The following NEB variants were observed in gnomAD, a reference collection of about 807,000 sequenced individuals.
NEB encodes the protein nemaline myopathy type 2.
In NEB, 512 loss-of-function variants were observed where a neutral mutation model predicts 952.2. The ratio of observed to expected loss-of-function variants is 0.54; its 90% CI spans 0.50 to 0.58. The LOEUF (loss-of-function observed/expected upper bound fraction) is 0.58. Among genes scored for constraint, NEB ranks in the 20% least tolerant of loss-of-function variants. NEB has a pLI of 0.00. For missense variants in NEB, 8,428 were observed against 9,231.1 expected, an observed-to-expected ratio of 0.91 and a Z score of 3.56; for synonymous variants, 2,900 against 3,149.8, an observed-to-expected ratio of 0.92 and a Z score of 2.66.
At chr2:151,683,379 G>A (rs929172526) in intron 28 of NEB, among the ~76,000 whole-genome samples, 2 of 152,144 alleles carry the variant, frequency 1.3e-5, no homozygotes, top group African/African-American at 2.4e-5. Flanking sequence ...GTTACTTGAC[G>A]CTATTAAAAT....
chr2:151,642,653 G>T lies in NEB; in HGVS notation c.8294C>A (p.Ala2765Asp). ...EKLYKLGLEE[A>D]KRKGYDMRVD... ...CCGCATGTCATAACCTTTCCTCTTGGCTTCTTCTAGGCCAAGCTTATACAA... is the reference window on the plus strand; with the variant it reads ...CCGCATGTCATAACCTTTCCTCTTGTCTTCTTCTAGGCCAAGCTTATACAA... Residue 2765 changes from alanine to aspartate, a missense_variant, in exon 60 of 182, where the codon GCC becomes GAC. By Grantham distance (126) the Ala-to-Asp change is moderately radical (BLOSUM62 -2). Around this residue, in one of 11 missense-constraint regions of NEB, gnomAD observed 1,772 missense variants for 1,960.3 expected, o/e 0.90. Coordinates refer to ENST00000397345, the MANE Select transcript of NEB (RefSeq NM_001164508.2). 6.2e-7 allele frequency: 1 copy of T among 1,613,890 alleles called. No homozygotes were observed. The highest frequency in any genetic ancestry group is 8.5e-7 in the Non-Finnish European group (1 of 1,179,846).
chr2:151,497,041 A>C lies in NEB; in HGVS notation c.24301-8T>G. 1 of 1,561,446 alleles carries C rather than the reference A, an allele frequency of 6.4e-7. No homozygotes were observed. The highest frequency in any genetic ancestry group is 8.7e-7 in the Non-Finnish European group (1 of 1,151,118). On this transcript the variant is annotated splice_region_variant and splice_polypyrimidine_tract_variant and intron_variant, in intron 171 of 181. Transcript: ENST00000397345. ...GTTTTCTTTGTATAACACCTGTGCG[A>C]TAAGAAAGCAACCAGAAAAACAACC...
At chr2:151,545,689 G>T (rs1303187778) in intron 135 of NEB, among the ~76,000 whole-genome samples, 199 bp downstream of exon 135, 1 of 152,148 alleles carries the variant, frequency 6.6e-6, no homozygotes, top group African/African-American at 2.4e-5. Context: ...CCAAAAGGGG[G>T]CAAAATAAGT....
chr2:151,562,765 T>C lies in NEB; in HGVS notation c.18737A>G (p.His6246Arg), dbSNP rs760552939. 51 of 1,593,774 alleles carry C rather than the reference T, an allele frequency of 3.2e-5. No homozygotes were observed. Among genetic ancestry groups the C allele is most frequent in the Non-Finnish European group, 4.0e-5 (47 of 1,169,090 alleles). ...KHYEDTKANVHIPNDMMNHVL... is the reference protein window; with the variant it reads ...KHYEDTKANVRIPNDMMNHVL... ...GTGATTCATCATGTCATTGGGGATA[T>C]GAACATTTGCTTTGGTATCCTCATA... Residue 6246 changes from histidine to arginine, a missense_variant, in exon 120 of 182, where the codon CAT becomes CGT. Transcript: ENST00000397345.
At chr2:151,668,972 G>C in intron 39 of NEB, 55 bp downstream of exon 39, 2 of 1,313,592 alleles carry the variant, frequency 1.5e-6, no homozygotes, top group South Asian at 1.3e-5. Flanking sequence ...GAGTTGCAAA[G>C]AACCAGAAAG....
At chr2:151,620,291 G>T (rs1243942642) in intron 72 of NEB, among the ~76,000 whole-genome samples, 1 of 131,598 alleles carries the variant, frequency 7.6e-6, no homozygotes, top group Non-Finnish European at 1.6e-5. Flanking sequence ...CCACCAAACA[G>T]TATACTTGAA....
chr2:151,644,431 G>T, intron 56 of NEB, 37 bp downstream of exon 56: 1 of 1,530,192 alleles, frequency 6.5e-7, no homozygotes, highest in Non-Finnish European at 9.0e-7. Context: ...GTGATAAATT[G>T]CAATCAAATC....
chr2:151,552,821 G>T, intron 127 of NEB, 45 bp from the exon 128 acceptor site: 2 of 1,376,380 alleles, frequency 1.5e-6, no homozygotes, highest in Non-Finnish European at 2.0e-6. Flanking sequence ...CATTCCTTAT[G>T]CTTGAAACTG....
rs1401272162 is a variant in NEB at position 151,631,326 on chromosome 2, G to A, written c.9435C>T (p.Leu3145=). ...CCCAGCCAATGCCTCTCAGCCACTG[G>A]AGATCTGACTTGTAAATATTCTGAG... ...LQSDNIYKSD[L]QWLRGIGWVP... is the part of the protein sequence containing the mutation. The change falls in exon 66 of 182, where the codon CTC becomes CTT. Residue 3145 remains leucine, a synonymous_variant. Coordinates refer to ENST00000397345, the MANE Select transcript of NEB (RefSeq NM_001164508.2). 1 of 1,613,454 alleles carries A rather than the reference G, an allele frequency of 6.2e-7. No homozygotes were observed. The highest frequency in any genetic ancestry group is 8.5e-7 in the Non-Finnish European group (1 of 1,179,702).
At chr2:151,646,998 AT>A (rs2098968124) in intron 54 of NEB, among the ~76,000 whole-genome samples, 2 of 152,114 alleles carry the variant, frequency 1.3e-5, no homozygotes, top group South Asian at 2.1e-4. Context: ...TCCCAAAAGG[AT>A]TTTTTGGGGG....
In NEB at chr2:151,506,252, A is replaced by G. The variant is rs1033540702; in HGVS notation, c.23563T>C (p.Tyr7855His). 1.2e-6 allele frequency: 2 copies of G among 1,611,562 alleles called. No homozygotes were observed. The highest frequency in any genetic ancestry group is 1.7e-6 in the Non-Finnish European group (2 of 1,177,836). Residue 7855 changes from tyrosine (Y) to histidine (H), a missense_variant, in exon 164 of 182, where the codon TAT becomes CAT. Physicochemically the swap from Tyr to His is moderately conservative, Grantham distance 83. Transcript: ENST00000397345. Reference sequence around the variant, plus strand: ...GTTCCTGGTGAGACATCCTCTTTATATAAAACCTGGGCATTCAGAATCAGG... The same window carrying G: ...GTTCCTGGTGAGACATCCTCTTTATGTAAAACCTGGGCATTCAGAATCAGG... ...ENQKNFSSVLYKEDVSPGTAI... is the reference protein window; with the variant it reads ...ENQKNFSSVLHKEDVSPGTAI...
At chr2:151,636,138 G>T (rs1342800345) in intron 64 of NEB, 89 bp downstream of exon 64, 12 of 1,095,398 alleles carry the variant, frequency 1.1e-5, no homozygotes, top group South Asian at 1.5e-5. Context: ...TATTTTCAAA[G>T]GTCCAGGAAA....
Position 151,630,832 on chromosome 2 carries a change from A to T in NEB, c.9619-13T>A, listed in dbSNP as rs749542572. 6 of 1,553,522 alleles carry T rather than the reference A, an allele frequency of 3.9e-6. No individual in the cohort carries two copies. The East Asian group carries it at 1.4e-4, about 35-fold the overall frequency. The stretch of plus-strand genomic sequence containing the variant: ...CTGTGTATAAACGCTATAAAAGAAG[A>T]TAAGATGCTGATTAAAAATCATTTG... On this transcript the variant is annotated splice_polypyrimidine_tract_variant and intron_variant, in intron 66 of 181. Transcript: ENST00000397345.
rs781202038 is a variant in NEB at position 151,656,256 on chromosome 2, T to A, written c.6392A>T (p.Asn2131Ile). Reference protein sequence around the residue: ...SVTAAKDAQANITNTNYKHLI... With the variant: ...SVTAAKDAQAIITNTNYKHLI... ...GTGCTTGTAGTTAGTGTTGGTGATG[T>A]TGGCTTGGGCATCCTTTGCAGCCGT... Residue 2131 changes from asparagine (N) to isoleucine (I), a missense_variant, in exon 49 of 182, where the codon AAC becomes ATC. Asn to Ile is a moderately radical substitution (Grantham distance 149). Around this residue, in one of 11 missense-constraint regions of NEB, gnomAD observed 2,851 missense variants for 2,791.5 expected, o/e 1.02. Transcript: ENST00000397345. 7 of 1,613,470 alleles carry A rather than the reference T, an allele frequency of 4.3e-6. No individual in the cohort carries two copies. In the Admixed American group the frequency reaches 6.7e-5, roughly 15 times the overall value.
intron 48 of NEB, among the ~76,000 whole-genome samples, chr2:151,657,773 G>T (rs1274132562): frequency 6.6e-6 from 1 of 152,156 alleles, no homozygotes; most frequent in Non-Finnish European, 1.5e-5. Flanking sequence ...ATGAGTCAGG[G>T]AGCTGACATC....
intron 77 of NEB, among the ~76,000 whole-genome samples, chr2:151,613,190 T>C (rs1306937704): frequency 6.6e-6 from 1 of 152,214 alleles, no homozygotes; most frequent in African/African-American, 2.4e-5. Context: ...GAGGTAATAT[T>C]TGAGTCTCCA....
intron 114 of NEB, among the ~76,000 whole-genome samples, chr2:151,566,244 C>T (rs1016990426): frequency 2.0e-5 from 3 of 152,192 alleles, no homozygotes; most frequent in Admixed American, 6.5e-5. Context: ...AGGGAAACTA[C>T]ACAAGTAAAT....
intron 60 of NEB, 46 bp downstream of exon 60, chr2:151,642,528 A>G: frequency 6.7e-7 from 1 of 1,502,678 alleles, no homozygotes; most frequent in South Asian, 1.2e-5. Context: ...AGAGAAATAA[A>G]TCTTTGAGCC....
chr2:151,573,261 TTAA>T (rs2096709269), intron 107 of NEB, among the ~76,000 whole-genome samples: 2 of 152,240 alleles, frequency 1.3e-5, no homozygotes, highest in Non-Finnish European at 1.5e-5. Flanking sequence ...CTTAATAAAG[TTAA>T]TAATTTTACT....
Sources: gnomAD v4.1 joint callset for allele counts (sites outside exome capture counted in the v4.1 genomes callset) on GRCh38, gnomAD v4.1.1 for gene constraint, gnomAD v4.1.1 regional missense constraint, MANE v1.5 for transcripts, NCBI Gene and HGNC (gene_info 2026-07-23, HGNC 2026-07-21) for gene names.